ZNF578: variants seen among roughly 807,000 people sequenced by gnomAD.
ZNF578 encodes Putative chemokine-related protein B42.
In ZNF578, 8 loss-of-function variants were observed where a neutral mutation model predicts 8.3. The observed-to-expected ratio is 0.96, with a 90% confidence interval of 0.56 to 1.74. ZNF578 has a LOEUF of 1.74. Among genes scored for constraint, ZNF578 ranks in the 40% most tolerant of loss-of-function variants. ZNF578 has a pLI of 0.00. For missense variants in ZNF578, 726 were observed against 707.5 expected (o/e 1.03, Z -0.30); for synonymous variants, 206 against 232.2 (o/e 0.89, Z 1.03).
At position 52,510,829 on chromosome 19, in the gene ZNF578, A is replaced by C. The variant is rs765240206; in HGVS notation, c.448A>C (p.Lys150Gln). The C allele has an allele frequency of 6.2e-7, 1 of 1,614,218 alleles. No individual in the cohort carries two copies. Among genetic ancestry groups the C allele is most frequent in the South Asian group, 1.1e-5 (1 of 91,082 alleles). Reference protein sequence around the residue: ...DRHDQRHAGNKPIKDQLGLSF... With the variant: ...DRHDQRHAGNQPIKDQLGLSF... ...ACATGATCAAAGGCATGCTGGAAAC[A>C]AGCCTATTAAAGATCAGCTTGGATT... Residue 150 changes from lysine (K) to glutamine (Q), a missense_variant, in exon 6 of 6, where the codon AAG becomes CAG. Coordinates refer to ENST00000421239, the MANE Select transcript of ZNF578 (RefSeq NM_001099694.2).
At chr19:52,469,976 AT>A (rs1157941541) in intron 2 of ZNF578, among the ~76,000 whole-genome samples, 1 of 152,174 alleles carries the variant, frequency 6.6e-6, no homozygotes, top group Non-Finnish European at 1.5e-5. Flanking sequence ...AAGGGCATTG[AT>A]TGGGAAAGAT....
intron 2 of ZNF578, chr19:52,474,029 GC>G: frequency 2.4e-6 from 1 of 417,514 alleles, no homozygotes; most frequent in Non-Finnish European, 4.9e-6. Flanking sequence ...TGCAAGGTGT[GC>G]AATTTGATTG....
At chr19:52,464,729 T>C (rs1599882851) in intron 2 of ZNF578, among the ~76,000 whole-genome samples, 1 of 152,338 alleles carries the variant, frequency 6.6e-6, no homozygotes, top group South Asian at 2.1e-4. Flanking sequence ...ACAGGCTGGA[T>C]ACCTCTGCCC....
chr19:52,483,691 G>A (rs73934539), intron 2 of ZNF578, among the ~76,000 whole-genome samples: 5 of 152,042 alleles, frequency 3.3e-5, no homozygotes, highest in East Asian at 1.9e-4. Flanking sequence ...TATATTTTAC[G>A]CACAGTTAAC....
rs1480547103 is a variant in ZNF578 at position 52,473,561 on chromosome 19, C to T, written c.-122+16603C>T. 1.8e-5 allele frequency: 3 copies of T among 167,932 alleles called. No homozygotes were observed. The Admixed American group carries it at 1.9e-4, about 11-fold the overall frequency. 10.4% of individuals were successfully genotyped at this position (167,932 alleles called of 1,614,324 possible). ...ACTAAATGCTTAGCTATATTAATTA[C>T]ATTTGTAAGATTTCTCTCCAGTATG... On this transcript the variant is annotated intron_variant, in intron 2 of 5. Coordinates refer to ENST00000421239, the MANE Select transcript of ZNF578 (RefSeq NM_001099694.2).
chr19:52,481,619 G>C (rs1329489704), intron 2 of ZNF578, among the ~76,000 whole-genome samples: 1 of 152,164 alleles, frequency 6.6e-6, no homozygotes, highest in Non-Finnish European at 1.5e-5. Flanking sequence ...TTCAGCCCAA[G>C]GACAGTGACT....
intron 2 of ZNF578, among the ~76,000 whole-genome samples, chr19:52,459,653 A>T: frequency 7.2e-6 from 1 of 139,770 alleles, no homozygotes; most frequent in Non-Finnish European, 1.5e-5. Context: ...ACACACACAT[A>T]TATATACTAC....
At chr19:52,488,756 C>G (rs1000998078) in intron 2 of ZNF578, among the ~76,000 whole-genome samples, 1 of 151,492 alleles carries the variant, frequency 6.6e-6, no homozygotes, top group Non-Finnish European at 1.5e-5. Flanking sequence ...TGCACACCAG[C>G]CTGGGTAACA....
chr19:52,510,986 C>T lies in ZNF578; in HGVS notation c.605C>T (p.Thr202Ile), dbSNP rs771001533. ...CAAAGAATTTCTTGTAGGCCTGAAA[C>T]ACATACTCCTAATAACTATGGGAAT... ...TSQRISCRPE[T>I]HTPNNYGNNF... The change falls in exon 6 of 6, where the codon ACA (threonine) becomes ATA (isoleucine). Residue 202 changes from threonine (T) to isoleucine (I), a missense_variant. By Grantham distance (89) the Thr-to-Ile change is moderately conservative (BLOSUM62 -1). Coordinates refer to ENST00000421239, the MANE Select transcript of ZNF578 (RefSeq NM_001099694.2). 2.9e-5 allele frequency: 47 copies of T among 1,614,044 alleles called. No individual in the cohort carries two copies. The highest frequency in any genetic ancestry group is 1.1e-5 in the South Asian group (1 of 91,092).
chr19:52,516,211 TCTCAAGCTCCTGAG>T lies in ZNF578; in HGVS notation c.*4064_*4077del, dbSNP rs1386917614. On this transcript the variant is annotated 3_prime_UTR_variant, in exon 6 of 6. Transcript: ENST00000421239. ...CTCTCCCATGCCCTCCCACCCCTGG[TCTCAAGCTCCTGAG>T]CTCAAGTGATCTACCCACCTCGGCC... 9.2e-5 allele frequency among the ~76,000 whole-genome samples: 14 copies of T among 152,206 alleles called. No individual in the cohort carries two copies. The highest frequency in any genetic ancestry group is 1.6e-4 in the Non-Finnish European group (11 of 68,012).
intron 1 of ZNF578, 182 bp downstream of exon 1, chr19:52,453,789 C>G (rs1008041690): frequency 1.3e-5 from 2 of 150,150 alleles, no homozygotes; most frequent in African/African-American, 4.9e-5. Flanking sequence ...TCCCTGAGCT[C>G]TCTGCCTTCG....
chr19:52,497,168 C>T (rs962316186), intron 3 of ZNF578, among the ~76,000 whole-genome samples: 23 of 152,122 alleles, frequency 1.5e-4, no homozygotes, highest in African/African-American at 5.5e-4. Flanking sequence ...GGCACGATTT[C>T]GTCTCACTGC....
chr19:52,502,997 ATTC>A (rs1229369442), intron 4 of ZNF578, among the ~76,000 whole-genome samples: 8 of 152,004 alleles, frequency 5.3e-5, no homozygotes, highest in Admixed American at 2.0e-4. Flanking sequence ...GTTTCAAGCA[ATTC>A]TTCTGCCTCA....
intron 5 of ZNF578, among the ~76,000 whole-genome samples, chr19:52,505,176 CA>C (rs767893820): frequency 8.6e-5 from 13 of 151,834 alleles, no homozygotes; most frequent in Admixed American, 6.6e-4. Flanking sequence ...CGTGAGCCAC[CA>C]TGCCCAGCTC....
intron 2 of ZNF578, among the ~76,000 whole-genome samples, chr19:52,465,753 T>G (rs2059272954): frequency 6.6e-6 from 1 of 152,232 alleles, no homozygotes; most frequent in African/African-American, 2.4e-5. Context: ...CGTGGCGTAC[T>G]TATATTCAGT....
At chr19:52,459,612 TACACACACACACACACACACAC>T (rs71180468) in intron 2 of ZNF578, among the ~76,000 whole-genome samples, 1 of 118,780 alleles carries the variant, frequency 8.4e-6, no homozygotes, top group Non-Finnish European at 1.7e-5. Flanking sequence ...AATGTGTATG[TACACACACACACACACACACAC>T]ACACACACAC....
chr19:52,462,449 T>C (rs1817266), intron 2 of ZNF578, among the ~76,000 whole-genome samples: 134,930 of 152,154 alleles, frequency 0.89, 60,591 homozygotes, highest in Non-Finnish European at 0.96. Context: ...AAACCTCAAC[T>C]GGGGGTTCCA....
intron 2 of ZNF578, among the ~76,000 whole-genome samples, chr19:52,467,739 T>C (rs2059279925): frequency 6.6e-6 from 1 of 152,122 alleles, no homozygotes; most frequent in African/African-American, 2.4e-5. Flanking sequence ...ATAGAAACAA[T>C]GTGAAATTAA....
At chr19:52,475,213 C>G (rs2059304244) in intron 2 of ZNF578, 1 of 224,794 alleles carries the variant, frequency 4.4e-6, no homozygotes, top group Non-Finnish European at 9.6e-6. Flanking sequence ...CTTTGCCATG[C>G]TCATTACATT....
Sources: allele counts gnomAD v4.1 joint callset (sites outside exome capture counted in the v4.1 genomes callset), GRCh38; gene constraint gnomAD v4.1.1; transcripts MANE v1.5; gene names NCBI Gene and HGNC (gene_info 2026-07-23, HGNC 2026-07-21).